SAFB2: variants seen among roughly 807,000 people sequenced by gnomAD.
SAFB2 encodes scaffold attachment factor B2.
SAFB2 carries 32 observed loss-of-function variants against 100.6 expected under a neutral mutation model. That is an observed-to-expected ratio of 0.32 (90% CI 0.24 to 0.43). The LOEUF is 0.43. SAFB2 is among the 20% of genes least tolerant of loss of function. SAFB2 has a pLI of 1.00. For synonymous variants in SAFB2, 500 were observed against 439.4 expected, an observed-to-expected ratio of 1.14 and a Z score of -1.72; for missense variants, 1,185 against 1,163.4, an observed-to-expected ratio of 1.02 and a Z score of -0.27.
At chr19:5,595,518 A>G in intron 13 of SAFB2, 21 bp from the exon 14 acceptor site, 1 of 1,611,484 alleles carries the variant, frequency 6.2e-7, no homozygotes, top group Middle Eastern at 1.7e-4. Context: ...AAACTGGTTT[A>G]TTAATGTCAG....
intron 4 of SAFB2, among the ~76,000 whole-genome samples, chr19:5,614,060 TCTC>T: frequency 6.6e-6 from 1 of 152,260 alleles, no homozygotes; most frequent in South Asian, 2.1e-4. Context: ...TTCAAGCAAT[TCTC>T]CTGCCTCAGC....
intron 11 of SAFB2, 24 bp downstream of exon 11, chr19:5,604,559 A>G (rs1325940370): frequency 1.3e-6 from 2 of 1,587,090 alleles, no homozygotes; most frequent in Non-Finnish European, 1.7e-6. Flanking sequence ...GGATTCCAAG[A>G]GGAGGTTTGA....
intron 9 of SAFB2, among the ~76,000 whole-genome samples, chr19:5,608,347 T>C (rs1272657811): frequency 6.6e-6 from 1 of 152,214 alleles, no homozygotes; most frequent in Non-Finnish European, 1.5e-5. Flanking sequence ...AAATGGTCTT[T>C]TTCCCGCCAG....
chr19:5,598,689 C>A, intron 13 of SAFB2, 104 bp downstream of exon 13: 1 of 1,077,784 alleles, frequency 9.3e-7, no homozygotes, highest in Non-Finnish European at 1.4e-6. Context: ...CTACAAACTT[C>A]AATTTTAAAG....
chr19:5,592,795 T>C lies in SAFB2; in HGVS notation c.2300A>G (p.Asp767Gly). Reference protein sequence around the residue: ...DFPRPDHRFHDFDHRDRGQYQ... With the variant: ...DFPRPDHRFHGFDHRDRGQYQ... The stretch of plus-strand genomic sequence containing the variant: ...CTGGCCCCGGTCTCGATGATCGAAG[T>C]CGTGAAAGCGGTGGTCTGGCCGGGG... Residue 767 changes from aspartate (D) to glycine (G), a missense_variant, in exon 16 of 21, where the codon GAC (aspartate) becomes GGC (glycine). Coordinates refer to ENST00000252542, the MANE Select transcript of SAFB2 (RefSeq NM_014649.3). The C allele has an allele frequency of 6.2e-7, 1 of 1,614,166 alleles. No homozygotes were observed. The highest frequency in any genetic ancestry group is 8.5e-7 in the Non-Finnish European group (1 of 1,180,030).
At chr19:5,620,637 G>C (rs1379964228) in intron 2 of SAFB2, among the ~76,000 whole-genome samples, 1 of 152,242 alleles carries the variant, frequency 6.6e-6, no homozygotes, top group African/African-American at 2.4e-5. Context: ...TATGCGGACA[G>C]AACATGGATT....
In SAFB2 at chr19:5,595,612, G is replaced by C. The variant is rs1358146915; in HGVS notation, c.1783-115C>G. The C allele has an allele frequency of 2.3e-6, 3 of 1,299,350 alleles. No individual in the cohort carries two copies. In the African/African-American group the frequency reaches 4.6e-5, roughly 20 times the overall value. The allele number at this position is 1,299,350 out of a possible 1,614,324, so 80.5% of individuals were successfully genotyped here. A position where few individuals can be genotyped will look rare whatever the true frequency, so the allele number is the denominator to read the frequency against. On this transcript the variant is annotated intron_variant, in intron 13 of 20. Transcript: ENST00000252542. Reference sequence around the variant, plus strand: ...TCTCTGGCCCCACATGGTGTAGATGGAAGGCTGTGGTCTCCAGACCAGAGG... The same window carrying C: ...TCTCTGGCCCCACATGGTGTAGATGCAAGGCTGTGGTCTCCAGACCAGAGG...
At chr19:5,600,545 G>A (rs980945711) in intron 11 of SAFB2, among the ~76,000 whole-genome samples, 60 of 152,310 alleles carry the variant, frequency 3.9e-4, no homozygotes, top group African/African-American at 1.2e-3. Flanking sequence ...CAAGAGTGGT[G>A]TGCAGGTGGA....
At chr19:5,600,028 G>T in intron 12 of SAFB2, 102 bp downstream of exon 12, 1 of 1,226,900 alleles carries the variant, frequency 8.2e-7, no homozygotes, top group Non-Finnish European at 1.2e-6. Context: ...CAGCGAAACA[G>T]CCATGTCACC....
In SAFB2 at chr19:5,587,638, A is replaced by G. The variant is rs2052285829; in HGVS notation, c.2705+63T>C. The G allele has an allele frequency of 2.7e-6, 4 of 1,492,250 alleles. No individual in the cohort carries two copies. The highest frequency in any genetic ancestry group is 3.6e-6 in the Non-Finnish European group (4 of 1,115,102). 92.4% of individuals were successfully genotyped at this position (1,492,250 alleles called of 1,614,324 possible). ...ACCCAGCCAGCTGATCAAACATGCAAAAAAGGGAGAGGAAGTGAGGAGCAG... is the reference window on the plus strand; with the variant it reads ...ACCCAGCCAGCTGATCAAACATGCAGAAAAGGGAGAGGAAGTGAGGAGCAG... On this transcript the variant is annotated intron_variant, in intron 20 of 20. Transcript: ENST00000252542. The surrounding 1 kb of genome is among the most constrained non-coding windows in gnomAD (Gnocchi z 4.9).
At chr19:5,612,161 G>A in intron 6 of SAFB2, 1 of 341,466 alleles carries the variant, frequency 2.9e-6, no homozygotes, top group South Asian at 3.2e-5. Context: ...CAGGTGGTAA[G>A]TGCCCTGACA....
At chr19:5,595,535 G>T in intron 13 of SAFB2, 38 bp from the exon 14 acceptor site, 1 of 1,608,180 alleles carries the variant, frequency 6.2e-7, no homozygotes, top group South Asian at 1.1e-5. Context: ...TCAGGAAAAT[G>T]ATTGCAACAA....
chr19:5,591,022 C>T (rs563502743), intron 17 of SAFB2, among the ~76,000 whole-genome samples: 3 of 152,276 alleles, frequency 2.0e-5, no homozygotes, highest in Admixed American at 6.5e-5. Context: ...CCCCCGTGCC[C>T]ACCAAGCACG....
chr19:5,592,608 G>A, intron 16 of SAFB2, 139 bp downstream of exon 16: 1 of 931,968 alleles, frequency 1.1e-6, no homozygotes, highest in South Asian at 1.7e-5. Context: ...TGCAAGGCCA[G>A]AGTCATCCAC....
At chr19:5,603,768 G>A (rs1469890918) in intron 11 of SAFB2, among the ~76,000 whole-genome samples, 1 of 152,084 alleles carries the variant, frequency 6.6e-6, no homozygotes, top group Non-Finnish European at 1.5e-5. Context: ...GGTAAACACA[G>A]CAATGCTTTT....
At chr19:5,593,812 G>A (rs2052470473) in intron 15 of SAFB2, 79 bp downstream of exon 15, 2 of 1,343,078 alleles carry the variant, frequency 1.5e-6, no homozygotes, top group Non-Finnish European at 1.9e-6. Context: ...GGACGGAAGG[G>A]AAGCCGCTGT....
At position 5,622,689 on chromosome 19, in the gene SAFB2, G is replaced by A. The variant is rs1238508802; in HGVS notation, c.27C>T (p.Gly9=). The A allele has an allele frequency of 1.2e-6, 2 of 1,605,796 alleles. No individual in the cohort carries two copies. Among genetic ancestry groups the A allele is most frequent in the Non-Finnish European group, 1.7e-6 (2 of 1,178,552 alleles). The change falls in exon 1 of 21, where the codon GGC becomes GGT. Residue 9 remains glycine (G), a synonymous_variant. Coordinates refer to ENST00000252542, the MANE Select transcript of SAFB2 (RefSeq NM_014649.3). ...GAGAAGCCGTGCCAGGGCCCGAGTC[G>A]CCCGACCCGGGCAGAGTCTCCGCCA... MAETLPGS[G]DSGPGTASLG...
At position 5,587,751 on chromosome 19, in the gene SAFB2, C is replaced by T. The variant is rs1335601140; in HGVS notation, c.2655G>A (p.Leu885=). The T allele has an allele frequency of 2.6e-6, 4 of 1,552,662 alleles. No homozygotes were observed. In the South Asian group the frequency reaches 4.8e-5, roughly 18 times the overall value. ...TGTGCCCCGGCCCCGAGGGCCCAGA[C>T]AGGCCCCTCTCGCCACCTAGAAGAG... is the stretch of plus-strand genomic sequence containing the variant. ...HARWQGGERG[L]SGPSGPGHMA... Residue 885 remains leucine, a synonymous_variant, in exon 20 of 21, where the codon CTG becomes CTA. Coordinates refer to ENST00000252542, the MANE Select transcript of SAFB2 (RefSeq NM_014649.3). The surrounding 1 kb of genome is among the most constrained non-coding windows in gnomAD (Gnocchi z 4.9).
At chr19:5,605,515 C>T (rs2052756781) in intron 9 of SAFB2, among the ~76,000 whole-genome samples, 1 of 152,190 alleles carries the variant, frequency 6.6e-6, no homozygotes, top group Admixed American at 6.5e-5. Context: ...AACCAGAAGT[C>T]CTACCCATCC....
Sources: allele counts gnomAD v4.1 joint callset (sites outside exome capture counted in the v4.1 genomes callset), GRCh38; gene constraint gnomAD v4.1.1; non-coding constraint Gnocchi (gnomAD v3.1); transcripts MANE v1.5; gene names NCBI Gene and HGNC (gene_info 2026-07-23, HGNC 2026-07-21).